The following SULF1 variants were observed in gnomAD, a reference collection of about 807,000 sequenced individuals.
The protein encoded by SULF1 is sulfatase 1.
Under a neutral mutation model 110.5 loss-of-function variants are expected in SULF1, and 46 were observed. The ratio of observed to expected loss-of-function variants is 0.42; its 90% CI spans 0.33 to 0.53. The LOEUF (loss-of-function observed/expected upper bound fraction) is 0.53, where lower values mean the gene tolerates loss of function less well. Ranked by LOEUF, SULF1 falls within the 20% of genes least tolerant of loss-of-function variation. SULF1 has a pLI of 0.12. For missense variants in SULF1, 941 were observed against 1,094.2 expected (o/e 0.86, Z 1.98); for synonymous variants, 371 against 387.1 (o/e 0.96, Z 0.49).
intron 3 of SULF1, among the ~76,000 whole-genome samples, chr8:69,526,808 AGG>A (rs1448782207): frequency 1.4e-5 from 2 of 139,830 alleles, no homozygotes; most frequent in Non-Finnish European, 3.1e-5. Flanking sequence ...AAAGGAAGGA[AGG>A]AAGGAAGGAA....
At chr8:69,582,752 G>A (rs1436136590) in intron 6 of SULF1, among the ~76,000 whole-genome samples, 2 of 151,966 alleles carry the variant, frequency 1.3e-5, no homozygotes, top group African/African-American at 4.8e-5. Context: ...GGAGGCCAAG[G>A]AAAGCACGGG....
At position 69,629,567 on chromosome 8, in the gene SULF1, G is replaced by A. The variant is rs776092684; in HGVS notation, c.2172G>A (p.Lys724=). The change falls in exon 19 of 23, where the codon AAG becomes AAA. Residue 724 remains lysine (K), a synonymous_variant. Transcript: ENST00000402687. ...TCAAGGAGAACAACCGTAGGAGGAA[G>A]AAGGAGAGGAAGGAGAAGAGACGGC... ...QLFKENNRRR[K]KERKEKRRQR... The A allele has an allele frequency of 2.5e-6, 4 of 1,614,002 alleles. No individual in the cohort carries two copies. Among genetic ancestry groups the A allele is most frequent in the South Asian group, 1.1e-5 (1 of 91,076 alleles).
intron 3 of SULF1, among the ~76,000 whole-genome samples, chr8:69,522,295 T>C (rs1159014690): frequency 6.6e-6 from 1 of 152,136 alleles, no homozygotes; most frequent in Non-Finnish European, 1.5e-5. Flanking sequence ...TCCACCCGCC[T>C]CAGCCTCCCA....
chr8:69,500,883 C>T (rs1810750699), intron 2 of SULF1, among the ~76,000 whole-genome samples: 1 of 152,036 alleles, frequency 6.6e-6, no homozygotes, highest in Non-Finnish European at 1.5e-5. Flanking sequence ...AGCACCAGGC[C>T]AGCTCCAAGG....
intron 6 of SULF1, among the ~76,000 whole-genome samples, chr8:69,580,036 A>G (rs1805954258): frequency 6.6e-6 from 1 of 152,202 alleles, no homozygotes; most frequent in Admixed American, 6.5e-5. Context: ...GGCGTCCAGA[A>G]TCCATGGATT....
chr8:69,529,357 C>T (rs548767329), intron 3 of SULF1, among the ~76,000 whole-genome samples: 5 of 152,302 alleles, frequency 3.3e-5, no homozygotes, highest in East Asian at 3.9e-4. Flanking sequence ...GAATCATCAA[C>T]GGTTAGCACT....
At chr8:69,643,341 G>A (rs1811633928) in intron 22 of SULF1, among the ~76,000 whole-genome samples, 1 of 151,754 alleles carries the variant, frequency 6.6e-6, no homozygotes, top group Non-Finnish European at 1.5e-5. Context: ...ACAGTTCAAA[G>A]CCCTCCATTG....
At chr8:69,563,689 A>G (rs1366925136) in intron 4 of SULF1, 78 bp downstream of exon 4, 2 of 299,032 alleles carry the variant, frequency 6.7e-6, no homozygotes, top group Non-Finnish European at 1.3e-5. Context: ...TTGAAATAGG[A>G]AAAGTTGGAA....
intron 3 of SULF1, among the ~76,000 whole-genome samples, chr8:69,513,371 A>G (rs1165114313): frequency 6.6e-6 from 1 of 152,236 alleles, no homozygotes; most frequent in Non-Finnish European, 1.5e-5. Context: ...CATCTGTCTT[A>G]GAGAGTTTAG....
At chr8:69,503,381 G>A (rs946228549) in intron 3 of SULF1, among the ~76,000 whole-genome samples, 6 of 152,184 alleles carry the variant, frequency 3.9e-5, no homozygotes, top group African/African-American at 1.2e-4. Flanking sequence ...TCCACAGTAA[G>A]AGAAGATAAG....
At chr8:69,498,565 C>T (rs1810551842) in intron 2 of SULF1, among the ~76,000 whole-genome samples, 2 of 152,180 alleles carry the variant, frequency 1.3e-5, no homozygotes, top group Admixed American at 6.5e-5. Flanking sequence ...ATCCTGCATG[C>T]AGGCCATAGA....
chr8:69,492,029 T>C (rs1359931742), upstream of SULF1, among the ~76,000 whole-genome samples: 1 of 146,810 alleles, frequency 6.8e-6, no homozygotes, highest in Non-Finnish European at 1.5e-5. Flanking sequence ...ATTCACATTA[T>C]AACGTGCTGG....
intron 19 of SULF1, among the ~76,000 whole-genome samples, chr8:69,635,869 C>CA (rs763827150): frequency 0.01 from 1,374 of 133,928 alleles, 19 homozygotes; most frequent in East Asian, 0.08. Context: ...GAAACTGTCT[C>CA]AAAAAAAAAA....
At chr8:69,472,269 G>A (rs760432092) in intron 1 of SULF1, among the ~76,000 whole-genome samples, 1 of 152,142 alleles carries the variant, frequency 6.6e-6, no homozygotes, top group Non-Finnish European at 1.5e-5. Flanking sequence ...TTTCCTCCTG[G>A]CTCACCATCT....
At chr8:69,561,089 G>A (rs956850669) in intron 3 of SULF1, among the ~76,000 whole-genome samples, 4 of 152,074 alleles carry the variant, frequency 2.6e-5, no homozygotes, top group Non-Finnish European at 5.9e-5. Flanking sequence ...TGAATTAATT[G>A]TATGTTTCAA....
chr8:69,489,615 C>T (rs1367696501), upstream of SULF1, among the ~76,000 whole-genome samples: 6 of 120,328 alleles, frequency 5.0e-5, no homozygotes, highest in East Asian at 2.5e-4. Context: ...CTTGCTCTGT[C>T]GCCCAGGCTG....
rs559069371 is a variant in SULF1, at chr8:69,584,951, C to T, written c.413-1406C>T. Among the ~76,000 whole-genome samples the T allele has an allele frequency of 7.2e-5, 11 of 152,304 alleles. 1 individual carries two copies. In the South Asian group the frequency reaches 2.3e-3, roughly 32 times the overall value. On this transcript the variant is annotated intron_variant, in intron 6 of 22. Transcript: ENST00000402687. ...TAAGACCAATGTCAATAAAGTGCTG[C>T]AATTCTAGAATTCGTTTCTATTATC...
intron 12 of SULF1, among the ~76,000 whole-genome samples, chr8:69,604,445 A>G (rs2119530): frequency 0.76 from 116,047 of 152,132 alleles, 44,658 homozygotes; most frequent in African/African-American, 0.85. Flanking sequence ...GTTCATTAAT[A>G]CCCATTGCCT....
chr8:69,512,391 A>G (rs1811624180), intron 3 of SULF1, among the ~76,000 whole-genome samples: 2 of 152,180 alleles, frequency 1.3e-5, no homozygotes, highest in Non-Finnish European at 2.9e-5. Flanking sequence ...GGCTTCTTAT[A>G]TGTACAGAAT....
Sources: gnomAD v4.1 joint callset for allele counts (sites outside exome capture counted in the v4.1 genomes callset) on GRCh38, gnomAD v4.1.1 for gene constraint, MANE v1.5 for transcripts, NCBI Gene and HGNC (gene_info 2026-07-23, HGNC 2026-07-21) for gene names.